The following RC3H1 variants were observed in gnomAD, a reference collection of about 807,000 sequenced individuals.
The protein encoded by RC3H1 is ring finger and CCCH-type domains 1.
In RC3H1, 50 loss-of-function variants were observed where a neutral mutation model predicts 138.2. The ratio of observed to expected loss-of-function variants is 0.36; its 90% CI spans 0.29 to 0.46. RC3H1 has a LOEUF of 0.46. Ranked by LOEUF, RC3H1 falls within the 20% of genes least tolerant of loss-of-function variation. The pLI, the probability that RC3H1 is intolerant of heterozygous loss-of-function variation, is 1.00. For synonymous variants in RC3H1, 462 were observed against 489.1 expected (o/e 0.94, Z 0.73); for missense variants, 1,031 against 1,388.1 (o/e 0.74, Z 4.09).
intron 1 of RC3H1, among the ~76,000 whole-genome samples, chr1:173,993,509 T>C (rs1333355568): frequency 6.6e-6 from 1 of 151,464 alleles, no homozygotes; most frequent in East Asian, 2.0e-4. Flanking sequence ...TTGTCCTGCC[T>C]CAGCTTCCCA....
chr1:173,943,016 A>G (rs1000747171), intron 18 of RC3H1, among the ~76,000 whole-genome samples: 9 of 152,214 alleles, frequency 5.9e-5, no homozygotes, highest in Non-Finnish European at 7.3e-5. Context: ...TGCAGATTGC[A>G]TATCACTCAT....
chr1:173,940,646 CT>C (rs11447877), intron 19 of RC3H1, among the ~76,000 whole-genome samples: 4 of 149,230 alleles, frequency 2.7e-5, no homozygotes, highest in African/African-American at 4.9e-5. Context: ...TTTGTTTTTT[CT>C]TTTTTTTTAC....
At chr1:174,010,457 C>T (rs1446086457) in intron 1 of RC3H1, among the ~76,000 whole-genome samples, 1 of 152,122 alleles carries the variant, frequency 6.6e-6, no homozygotes. Flanking sequence ...CTCTGTCACC[C>T]AGGCTAGAAT....
Position 173,972,633 on chromosome 1 carries a change from C to T in RC3H1, c.1103-6G>A, listed in dbSNP as rs1490745246. ...CCAAGTAGGAGGAGGAGCATCTATA[C>T]AACCAATGATAATGTTTTAAACTCT... On this transcript the variant is annotated splice_region_variant and splice_polypyrimidine_tract_variant and intron_variant, in intron 7 of 19. Coordinates refer to ENST00000367696, the MANE Select transcript of RC3H1 (RefSeq NM_172071.4). 6.4e-7 allele frequency: 1 copy of T among 1,572,274 alleles called. No individual in the cohort carries two copies. The highest frequency in any genetic ancestry group is 8.8e-7 in the Non-Finnish European group (1 of 1,141,894).
At chr1:174,009,937 C>T (rs543206422) in intron 1 of RC3H1, among the ~76,000 whole-genome samples, 18 of 152,292 alleles carry the variant, frequency 1.2e-4, no homozygotes, top group Admixed American at 5.2e-4. Flanking sequence ...ACTTCGTCCT[C>T]GCAATGAGCC....
intron 1 of RC3H1, among the ~76,000 whole-genome samples, chr1:174,012,549 C>T (rs1264085986): frequency 1.3e-5 from 2 of 151,746 alleles, no homozygotes; most frequent in Admixed American, 6.6e-5. Flanking sequence ...TTTGGGAGGC[C>T]GGGGCAGGCG....
chr1:173,981,277 C>T (rs1660806599), intron 5 of RC3H1, among the ~76,000 whole-genome samples: 1 of 152,170 alleles, frequency 6.6e-6, no homozygotes, highest in African/African-American at 2.4e-5. Context: ...ACCCAAAATG[C>T]TTGGGCCAGA....
At chr1:173,949,836 T>C (rs2102878356) in intron 14 of RC3H1, among the ~76,000 whole-genome samples, 1 of 152,228 alleles carries the variant, frequency 6.6e-6, no homozygotes, top group East Asian at 1.9e-4. Context: ...ACAGAATATC[T>C]CGTAAAAGCA....
chr1:173,940,973 C>T (rs1192743986), intron 19 of RC3H1, among the ~76,000 whole-genome samples: 1 of 152,070 alleles, frequency 6.6e-6, no homozygotes, highest in African/African-American at 2.4e-5. Flanking sequence ...AGGCACATGC[C>T]ACCACACCAA....
chr1:173,981,886 C>T (rs796103385), intron 5 of RC3H1, among the ~76,000 whole-genome samples: 1 of 146,448 alleles, frequency 6.8e-6, no homozygotes, highest in South Asian at 2.2e-4. Context: ...GGCGACAGAG[C>T]AAGACTGCAT....
At chr1:173,942,428 CAAAA>C (rs60694243) in intron 18 of RC3H1, among the ~76,000 whole-genome samples, 7 of 38,080 alleles carry the variant, frequency 1.8e-4, no homozygotes, top group African/African-American at 1.0e-3. Context: ...GACTCAGTCT[CAAAA>C]AAAAAAAAAA....
chr1:173,967,567 C>G (rs553316421), intron 9 of RC3H1, among the ~76,000 whole-genome samples: 1 of 152,292 alleles, frequency 6.6e-6, no homozygotes, highest in Non-Finnish European at 1.5e-5. Context: ...ATTTGCATTT[C>G]TTTAACAACT....
chr1:174,019,854 A>G (rs1483243725), intron 1 of RC3H1, among the ~76,000 whole-genome samples: 1 of 152,200 alleles, frequency 6.6e-6, no homozygotes, highest in Non-Finnish European at 1.5e-5. Context: ...ACGGACCCAG[A>G]CTAAGCCCAT....
rs147466092 is a variant in RC3H1, at chr1:173,947,560, C to A, written c.2546G>T (p.Arg849Met). Residue 849 changes from arginine (R) to methionine (M), a missense_variant, in exon 15 of 20, where the codon AGG (arginine) becomes ATG (methionine). Physicochemically the swap from Arg to Met is moderately conservative, Grantham distance 91 (BLOSUM62 -1). Around this residue, in one of 7 missense-constraint regions of RC3H1, gnomAD observed 716 missense variants for 837.9 expected, o/e 0.85. Coordinates refer to ENST00000367696, the MANE Select transcript of RC3H1 (RefSeq NM_172071.4). The stretch of plus-strand genomic sequence containing the variant: ...TCTCTGAAGATCTAATCGCTGGTCC[C>A]TCATTCCTTTACTCTCCACATTCTG... The part of the protein sequence containing the change: ...EMMNVESKGM[R>M]DQRLDLQRRA... The A allele has an allele frequency of 1.2e-6, 2 of 1,613,992 alleles. No homozygotes were observed. The highest frequency in any genetic ancestry group is 2.2e-5 in the South Asian group (2 of 91,074).
At chr1:173,980,040 G>A (rs1660744534) in intron 6 of RC3H1, among the ~76,000 whole-genome samples, 1 of 150,550 alleles carries the variant, frequency 6.6e-6, no homozygotes, top group African/African-American at 2.4e-5. Flanking sequence ...ACCACACCTG[G>A]CTATTTTTTT....
rs1368478331 is a variant in RC3H1, at chr1:173,936,758, TA to T, written c.*1962del. ...ATATATATATATATATATATATATA[TA>T]TATTTTTTTTTTTTTTTTTAAAAAA... On this transcript the variant is annotated 3_prime_UTR_variant, in exon 20 of 20. Coordinates refer to ENST00000367696, the MANE Select transcript of RC3H1 (RefSeq NM_172071.4). The T allele has an allele frequency of 4.4e-3, 98 of 22,512 alleles. No individual in the cohort carries two copies. The highest frequency in any genetic ancestry group is 6.8e-3 in the East Asian group (4 of 592). The allele number at this position is 22,512 out of a possible 1,614,324, so 1.4% of individuals were successfully genotyped here. A position where few individuals can be genotyped will look rare whatever the true frequency, so the allele number is the denominator to read the frequency against.
chr1:173,981,892 T>C (rs952622047), intron 5 of RC3H1, among the ~76,000 whole-genome samples: 2 of 151,544 alleles, frequency 1.3e-5, no homozygotes, highest in Non-Finnish European at 2.9e-5. Context: ...AGAGCAAGAC[T>C]GCATCTCAAA....
At chr1:173,971,973 A>G (rs1660377338) in intron 8 of RC3H1, among the ~76,000 whole-genome samples, 3 of 152,160 alleles carry the variant, frequency 2.0e-5, no homozygotes, top group South Asian at 4.1e-4. Flanking sequence ...AACTCTAGCT[A>G]TAAGAAGTTA....
Position 174,022,307 on chromosome 1 carries a change from T to C in RC3H1, c.-362A>G. 1 of 382,014 alleles carries C rather than the reference T, an allele frequency of 2.6e-6. No homozygotes were observed. Among genetic ancestry groups the C allele is most frequent in the Middle Eastern group, 6.7e-4 (1 of 1,498 alleles). The allele number at this position is 382,014 out of a possible 1,614,324, so 23.7% of individuals were successfully genotyped here. On this transcript the variant is annotated 5_prime_UTR_variant, in exon 1 of 20. Transcript: ENST00000367696. This position sits in a 1 kb window ranked among gnomAD's most constrained non-coding sequence, Gnocchi z 4.2. ...CCTGCAGCAGGGGCCATCTTGTTGC[T>C]CGGCCTCCTCTTCCTCCTCCTCGTC...
Sources: gnomAD v4.1 joint callset for allele counts (sites outside exome capture counted in the v4.1 genomes callset) on GRCh38, gnomAD v4.1.1 for gene constraint, gnomAD v4.1.1 regional missense constraint, Gnocchi (gnomAD v3.1) non-coding constraint, MANE v1.5 for transcripts, NCBI Gene and HGNC (gene_info 2026-07-23, HGNC 2026-07-21) for gene names.